The following MAMDC2 variants were observed in gnomAD, a reference collection of about 807,000 sequenced individuals.
MAMDC2 encodes MAM domain-containing protein 2.
MAMDC2 carries 57 observed loss-of-function variants against 89.8 expected under a neutral mutation model. The observed-to-expected ratio is 0.63, with a 90% CI of 0.51 to 0.79. The LOEUF is 0.79. MAMDC2 is among the 30% of genes least tolerant of loss of function. The probability of loss-of-function intolerance (pLI) is 0.00; values close to 1 mark genes in which losing one functional copy is unlikely to be tolerated. For synonymous variants in MAMDC2, 313 were observed against 293.4 expected (o/e 1.07, Z -0.68); for missense variants, 800 against 820.6 (o/e 0.97, Z 0.31).
At chr9:70,127,635 T>A (rs1048729398) in intron 6 of MAMDC2, among the ~76,000 whole-genome samples, 2 of 151,832 alleles carry the variant, frequency 1.3e-5, no homozygotes, top group African/African-American at 4.8e-5. Context: ...CATCTACTGA[T>A]GGCGTGCCTG....
At chr9:70,180,295 G>A (rs866596699) in intron 11 of MAMDC2, among the ~76,000 whole-genome samples, 15 of 152,260 alleles carry the variant, frequency 9.9e-5, no homozygotes, top group Admixed American at 1.3e-4. Context: ...CCAAGTCTTT[G>A]CTATTGTAAA....
intron 7 of MAMDC2, among the ~76,000 whole-genome samples, chr9:70,132,571 G>T (rs935400961): frequency 6.6e-6 from 1 of 150,572 alleles, no homozygotes; most frequent in Non-Finnish European, 1.5e-5. Flanking sequence ...GGGGGGTCTC[G>T]CTCTGTCACC....
intron 5 of MAMDC2, among the ~76,000 whole-genome samples, chr9:70,117,580 C>A (rs887378404): frequency 1.3e-5 from 2 of 151,788 alleles, no homozygotes; most frequent in African/African-American, 4.8e-5. Flanking sequence ...ACAGTCTGCA[C>A]ATGTATCCCA....
intron 11 of MAMDC2, among the ~76,000 whole-genome samples, chr9:70,205,223 A>T (rs2033200193): frequency 6.6e-6 from 1 of 152,224 alleles, no homozygotes; most frequent in African/African-American, 2.4e-5. Context: ...ATTCAGTGGC[A>T]CTGAGTCTAT....
At chr9:70,130,008 CTG>C (rs71364580) in intron 6 of MAMDC2, among the ~76,000 whole-genome samples, 13,176 of 147,106 alleles carry the variant, frequency 0.09, 607 homozygotes, top group East Asian at 0.14. Context: ...ACATGGCATT[CTG>C]TGTGTGTGTG....
At chr9:70,183,684 C>G (rs543455324) in intron 11 of MAMDC2, among the ~76,000 whole-genome samples, 30 of 150,182 alleles carry the variant, frequency 2.0e-4, no homozygotes, top group Non-Finnish European at 3.6e-4. Context: ...TTTTTTTTCT[C>G]TTTGCATTTG....
chr9:70,076,458 C>G (rs1224675683), intron 2 of MAMDC2, among the ~76,000 whole-genome samples: 1 of 151,942 alleles, frequency 6.6e-6, no homozygotes, highest in Non-Finnish European at 1.5e-5. Flanking sequence ...CTTAGGGCCT[C>G]TCTTCCCTAG....
chr9:70,053,460 G>A (rs1177142346), intron 2 of MAMDC2, among the ~76,000 whole-genome samples: 5 of 152,194 alleles, frequency 3.3e-5, no homozygotes, highest in Admixed American at 2.0e-4. Flanking sequence ...TAGTACATGA[G>A]TACACACTCC....
chr9:70,166,239 T>A (rs1392186381), intron 9 of MAMDC2, among the ~76,000 whole-genome samples: 1 of 137,124 alleles, frequency 7.3e-6, no homozygotes, highest in Non-Finnish European at 1.5e-5. Context: ...AAAACTCCCA[T>A]CTCAAAAAAA....
intron 11 of MAMDC2, among the ~76,000 whole-genome samples, chr9:70,175,088 G>A (rs1040875186): frequency 1.3e-5 from 2 of 152,156 alleles, no homozygotes; most frequent in African/African-American, 2.4e-5. Flanking sequence ...ACTTAGGAGA[G>A]AAGCGATCTG....
At position 70,100,011 on chromosome 9, in the gene MAMDC2, A is replaced by G. The variant is rs76635806; in HGVS notation, c.149-8200A>G. Among the ~76,000 whole-genome samples, 739 of 132,274 alleles carry G rather than the reference A, an allele frequency of 5.6e-3. 4 individuals are homozygous for G. The highest frequency in any genetic ancestry group is 0.028 in the African/African-American group (711 of 25,318). The allele number at this position is 132,274 out of a possible 152,430, so 86.8% of individuals were successfully genotyped here. On this transcript the variant is annotated intron_variant, in intron 2 of 13. Coordinates refer to ENST00000377182, the MANE Select transcript of MAMDC2 (RefSeq NM_153267.5). ...GAGAGAGAGAGAGAGAGAGAGAGAG[A>G]GAGAGAGAGAGAGCACAAGCACAAT... is the stretch of plus-strand genomic sequence containing the variant.
chr9:70,151,218 T>A (rs1446003531), intron 9 of MAMDC2, among the ~76,000 whole-genome samples: 1 of 152,236 alleles, frequency 6.6e-6, no homozygotes, highest in Non-Finnish European at 1.5e-5. Context: ...AAAGGAACAT[T>A]CCTGACTGCC....
At chr9:70,092,875 C>A (rs1053451141) in intron 2 of MAMDC2, 1 of 152,178 alleles carries the variant, frequency 6.6e-6, no homozygotes, top group Non-Finnish European at 1.5e-5. Context: ...CTCCCACCAT[C>A]GTAAGTCATA....
At chr9:70,076,457 T>A (rs780867668) in intron 2 of MAMDC2, among the ~76,000 whole-genome samples, 19 of 151,678 alleles carry the variant, frequency 1.3e-4, no homozygotes, top group Non-Finnish European at 2.6e-4. Context: ...ACTTAGGGCC[T>A]CTCTTCCCTA....
chr9:70,204,607 T>C (rs566973617), intron 11 of MAMDC2, among the ~76,000 whole-genome samples: 7 of 151,616 alleles, frequency 4.6e-5, no homozygotes, highest in Non-Finnish European at 7.4e-5. Context: ...CCCGGCTGCT[T>C]TGTTTACCTA....
chr9:70,120,623 G>A (rs1563963199), intron 5 of MAMDC2, among the ~76,000 whole-genome samples: 1 of 152,188 alleles, frequency 6.6e-6, no homozygotes, highest in African/African-American at 2.4e-5. Context: ...TAGAGCTGGG[G>A]TAGGTGCCAG....
intron 2 of MAMDC2, among the ~76,000 whole-genome samples, chr9:70,057,646 G>T (rs932932042): frequency 6.6e-6 from 1 of 152,144 alleles, no homozygotes; most frequent in Non-Finnish European, 1.5e-5. Context: ...CACAATATTA[G>T]CCTAGTAGTC....
intron 11 of MAMDC2, among the ~76,000 whole-genome samples, chr9:70,173,585 G>A (rs1208514591): frequency 6.6e-6 from 1 of 152,168 alleles, no homozygotes; most frequent in Non-Finnish European, 1.5e-5. Flanking sequence ...TTTTTCTTGA[G>A]AAGGTTGATA....
rs79737491 is a variant in MAMDC2, at chr9:70,222,294, G to A, written c.1912-3456G>A. On this transcript the variant is annotated intron_variant, in intron 12 of 13. Transcript: ENST00000377182. Reference sequence around the variant, plus strand: ...GCAGGAAGAAAATTAATAGACTTCTGGGGGGACATGTTAAGTTTTCTATGT... The same window carrying A: ...GCAGGAAGAAAATTAATAGACTTCTAGGGGGACATGTTAAGTTTTCTATGT... 2.0e-5 allele frequency among the ~76,000 whole-genome samples: 3 copies of A among 152,258 alleles called. No homozygotes were observed. The East Asian group carries it at 5.8e-4, about 29-fold the overall frequency.
Sources: gnomAD v4.1 joint callset for allele counts (sites outside exome capture counted in the v4.1 genomes callset) on GRCh38, gnomAD v4.1.1 for gene constraint, MANE v1.5 for transcripts, NCBI Gene and HGNC (gene_info 2026-07-23, HGNC 2026-07-21) for gene names.